PTPN7: variants seen among roughly 807,000 people sequenced by gnomAD.
PTPN7 encodes protein tyrosine phosphatase non-receptor type 7.
A neutral mutation model predicts 50.3 loss-of-function variants in PTPN7; 33 were observed. That is an observed-to-expected ratio of 0.66 (90% CI 0.50 to 0.88). PTPN7 has a LOEUF of 0.88. PTPN7 is among the 40% of genes least tolerant of loss of function. The probability of loss-of-function intolerance (pLI) is 0.00; values close to 1 mark genes in which losing one functional copy is unlikely to be tolerated. For synonymous variants in PTPN7, 185 were observed against 186.6 expected (o/e 0.99, Z 0.07); for missense variants, 412 against 475.4 (o/e 0.87, Z 1.24).
rs140680650 is a variant in PTPN7, at chr1:202,150,387, G to A, written c.913C>T (p.Arg305Ter). 655 of 1,612,074 alleles carry A rather than the reference G, an allele frequency of 4.1e-4. 1 individual carries two copies. The highest frequency in any genetic ancestry group is 5.4e-4 in the Non-Finnish European group (636 of 1,179,120). ...IGRTGCFIAT[R>*]IGCQQLKARG... is the part of the protein sequence containing the mutation. ...GCTTTCAGCTGTTGACAGCCAATTC[G>A]CGTGGCGATGAAGCAGCCCGTCCGG... The change falls in exon 9 of 10, where the codon CGA becomes TGA. Residue 305 changes from arginine (R) to a stop codon, truncating the protein, a stop_gained. Coordinates refer to ENST00000691036, the MANE Select transcript of PTPN7 (RefSeq NM_002832.4). LOFTEE classifies it high-confidence loss of function.
chr1:202,155,345 G>T (rs186525374), intron 5 of PTPN7, among the ~76,000 whole-genome samples, 188 bp downstream of exon 5: 1 of 152,102 alleles, frequency 6.6e-6, no homozygotes, highest in African/African-American at 2.4e-5. Context: ...CATCTGCTCC[G>T]TTTTTTAGGT....
intron 2 of PTPN7, chr1:202,158,580 T>C: frequency 2.9e-6 from 1 of 347,932 alleles, no homozygotes. Flanking sequence ...TTGCTCAGGC[T>C]GGTTTTGAAC....
At position 202,159,359 on chromosome 1, in the gene PTPN7, G is replaced by T. The variant is rs569155700; in HGVS notation, c.44C>A (p.Thr15Asn). ...HGGRSRAQPL[T>N]LSLGAAMTQP... ...GGTCATGGCTGCCCCCAAAGACAAG[G>T]TCAACGGCTGTGCTCTGGAGCGCCC... Residue 15 changes from threonine (T) to asparagine (N), a missense_variant, in exon 2 of 10, where the codon ACC (threonine) becomes AAC (asparagine). Thr to Asn is a moderately conservative substitution (Grantham distance 65, BLOSUM62 0). Coordinates refer to ENST00000691036, the MANE Select transcript of PTPN7 (RefSeq NM_002832.4). The surrounding 1 kb of genome is among the most constrained non-coding windows in gnomAD (Gnocchi z 4.6). 1.9e-5 allele frequency: 30 copies of T among 1,614,248 alleles called. No individual in the cohort carries two copies. The South Asian group carries it at 3.1e-4, about 17-fold the overall frequency.
upstream of PTPN7, chr1:202,161,553 C>G: frequency 7.8e-7 from 1 of 1,287,310 alleles, no homozygotes; most frequent in Non-Finnish European, 1.0e-6. Context: ...GCAGCCCAGC[C>G]GGTTCATGCT....
Position 202,148,707 on chromosome 1 carries a change from G to A in PTPN7, c.990-8C>T. The A allele has an allele frequency of 6.2e-7, 1 of 1,612,980 alleles. No homozygotes were observed. On this transcript the variant is annotated splice_polypyrimidine_tract_variant and splice_region_variant and intron_variant, in intron 9 of 9. Coordinates refer to ENST00000691036, the MANE Select transcript of PTPN7 (RefSeq NM_002832.4). ...GTCTGGATCATCCCCCCTCTGCAAG[G>A]AGAAACACACAGACCATGAGTGAAG... is the stretch of plus-strand genomic sequence containing the variant.
chr1:202,153,333 A>C (rs187671765), intron 7 of PTPN7, among the ~76,000 whole-genome samples: 1 of 152,156 alleles, frequency 6.6e-6, no homozygotes, highest in African/African-American at 2.4e-5. Context: ...CATGTTGGCC[A>C]GGCTGGTCTG....
chr1:202,157,371 T>C (rs1656786271), intron 4 of PTPN7, among the ~76,000 whole-genome samples: 3 of 152,208 alleles, frequency 2.0e-5, no homozygotes, highest in South Asian at 4.1e-4. Context: ...TAGCCACGCA[T>C]GGAGGCGCAT....
chr1:202,155,470 G>A, intron 5 of PTPN7, 63 bp downstream of exon 5: 3 of 1,459,654 alleles, frequency 2.1e-6, no homozygotes, highest in Non-Finnish European at 2.9e-6. Flanking sequence ...ATGGCTGGAA[G>A]ATATTCTCAG....
chr1:202,159,229 G>A lies in PTPN7; in HGVS notation c.122+52C>T. 6.4e-7 allele frequency: 1 copy of A among 1,559,162 alleles called. No individual in the cohort carries two copies. The highest frequency in any genetic ancestry group is 2.2e-5 in the East Asian group (1 of 44,500). ...AGGGGCAGATGGAAGGAAGGGAGGAGCGGAATGGGGGCTCAGGGCTCGGAA... is the reference window on the plus strand; with the variant it reads ...AGGGGCAGATGGAAGGAAGGGAGGAACGGAATGGGGGCTCAGGGCTCGGAA... On this transcript the variant is annotated intron_variant, in intron 2 of 9. Transcript: ENST00000691036. This position sits in a 1 kb window ranked among gnomAD's most constrained non-coding sequence, Gnocchi z 4.6.
intron 4 of PTPN7, among the ~76,000 whole-genome samples, chr1:202,156,640 G>A (rs1028272896): frequency 3.3e-5 from 5 of 152,226 alleles, no homozygotes; most frequent in African/African-American, 1.2e-4. Context: ...TCTGGTGGCT[G>A]CAGGGCTGAT....
Position 202,159,767 on chromosome 1 carries a change from A to T in PTPN7, c.-52-313T>A. ...GTACACAGGGCTCTGAGCAGGTCCA[A>T]GTGGGAGAAGGCAAGGGAGGAAACA... is the stretch of plus-strand genomic sequence containing the variant. On this transcript the variant is annotated intron_variant, in intron 1 of 9. Coordinates refer to ENST00000691036, the MANE Select transcript of PTPN7 (RefSeq NM_002832.4). The surrounding 1 kb of genome is among the most constrained non-coding windows in gnomAD (Gnocchi z 4.6). The T allele has an allele frequency of 8.0e-7, 1 of 1,256,318 alleles. No individual in the cohort carries two copies. The allele number at this position is 1,256,318 out of a possible 1,614,324, so 77.8% of individuals were successfully genotyped here. A position where few individuals can be genotyped will look rare whatever the true frequency, so the allele number is the denominator to read the frequency against.
In PTPN7 at chr1:202,160,208, G is replaced by A. The variant is rs1475808234; in HGVS notation, c.-53+337C>T. 6.6e-6 allele frequency among the ~76,000 whole-genome samples: 1 copy of A among 152,104 alleles called. No homozygotes were observed. The highest frequency in any genetic ancestry group is 2.4e-5 in the African/African-American group (1 of 41,420). ...GGCAGTCCCTATCTCCCAGAGCCAG[G>A]GTCACAGTGGGCGAGGTGGCGGGGG... On this transcript the variant is annotated intron_variant, in intron 1 of 9. Coordinates refer to ENST00000691036, the MANE Select transcript of PTPN7 (RefSeq NM_002832.4). This position sits in a 1 kb window ranked among gnomAD's most constrained non-coding sequence, Gnocchi z 4.8.
chr1:202,150,530 T>C (rs1655885771), intron 8 of PTPN7, 106 bp from the exon 9 acceptor site: 8 of 855,330 alleles, frequency 9.4e-6, no homozygotes, highest in Non-Finnish European at 1.5e-5. Context: ...GTGCTATATT[T>C]TGGGGATAGG....
At position 202,155,517 on chromosome 1, in the gene PTPN7, C is replaced by T; in HGVS notation, c.468+16G>A. On this transcript the variant is annotated intron_variant, in intron 5 of 9. Transcript: ENST00000691036. ...TTCCCCCATTCCCCGCCCACCACTG[C>T]AGCCAGGCCACTCACTCGGATGTAG... is the stretch of plus-strand genomic sequence containing the variant. 1.3e-6 allele frequency: 2 copies of T among 1,532,796 alleles called. No homozygotes were observed. The highest frequency in any genetic ancestry group is 1.8e-6 in the Non-Finnish European group (2 of 1,106,372). The allele number at this position is 1,532,796 out of a possible 1,614,324, so 94.9% of individuals were successfully genotyped here.
Position 202,160,487 on chromosome 1 carries a change from C to G in PTPN7, c.-53+58G>C. The G allele has an allele frequency of 6.7e-7, 1 of 1,487,394 alleles. No individual in the cohort carries two copies. The highest frequency in any genetic ancestry group is 1.4e-5 in the African/African-American group (1 of 71,914). The allele number at this position is 1,487,394 out of a possible 1,614,324, so 92.1% of individuals were successfully genotyped here. On this transcript the variant is annotated intron_variant, in intron 1 of 9. Coordinates refer to ENST00000691036, the MANE Select transcript of PTPN7 (RefSeq NM_002832.4). The surrounding 1 kb of genome is among the most constrained non-coding windows in gnomAD (Gnocchi z 4.8). ...CCTCCTAGAGATGCCCTCTTATATC[C>G]CCGGAGTTCGCACCCCCCGGGGCCA...
rs1655454812 is a variant in PTPN7, at chr1:202,147,472, G to T, written c.*1134C>A. 6.6e-6 allele frequency: 1 copy of T among 152,198 alleles called. No homozygotes were observed. Among genetic ancestry groups the T allele is most frequent in the African/African-American group, 2.4e-5 (1 of 41,416 alleles). 9.4% of individuals were successfully genotyped at this position (152,198 alleles called of 1,614,324 possible). A position where few individuals can be genotyped will look rare whatever the true frequency, so the allele number is the denominator to read the frequency against. On this transcript the variant is annotated 3_prime_UTR_variant, in exon 10 of 10. Coordinates refer to ENST00000691036, the MANE Select transcript of PTPN7 (RefSeq NM_002832.4). ...CAGGGGCGGCGTGCCTGGTGATGCG[G>T]CATCTTACCTTCATCCCCATCTCAG...
At position 202,148,240 on chromosome 1, in the gene PTPN7, G is replaced by T; in HGVS notation, c.*366C>A. 1 of 180,108 alleles carries T rather than the reference G, an allele frequency of 5.6e-6. No individual in the cohort carries two copies. The highest frequency in any genetic ancestry group is 1.4e-4 in the East Asian group (1 of 7,022). The allele number at this position is 180,108 out of a possible 1,614,324, so 11.2% of individuals were successfully genotyped here. A position where few individuals can be genotyped will look rare whatever the true frequency, so the allele number is the denominator to read the frequency against. On this transcript the variant is annotated 3_prime_UTR_variant, in exon 10 of 10. Coordinates refer to ENST00000691036, the MANE Select transcript of PTPN7 (RefSeq NM_002832.4). ...ATGGCAGCTAAGCACTTATGTTCAT[G>T]TTATAGAACAGGAAACTGAAGCTCA...
In PTPN7 at chr1:202,159,193, G is replaced by T; in HGVS notation, c.122+88C>A. 1.5e-6 allele frequency: 2 copies of T among 1,364,530 alleles called. No homozygotes were observed. Among genetic ancestry groups the T allele is most frequent in the Non-Finnish European group, 2.1e-6 (2 of 969,484 alleles). The allele number at this position is 1,364,530 out of a possible 1,614,324, so 84.5% of individuals were successfully genotyped here. ...AACTGAGGGCCCTCTGGACCCTGCT[G>T]TCAGAGCTGGAGGGGCAGATGGAAG... On this transcript the variant is annotated intron_variant, in intron 2 of 9. Coordinates refer to ENST00000691036, the MANE Select transcript of PTPN7 (RefSeq NM_002832.4). This position sits in a 1 kb window ranked among gnomAD's most constrained non-coding sequence, Gnocchi z 4.6.
At position 202,152,555 on chromosome 1, in the gene PTPN7, CG is replaced by C. The variant is rs1558315793; in HGVS notation, c.861del (p.Ile287MetfsTer2). 4 of 1,612,824 alleles carry C rather than the reference CG, an allele frequency of 2.5e-6. No homozygotes were observed. Among genetic ancestry groups the C allele is most frequent in the Non-Finnish European group, 3.4e-6 (4 of 1,179,942 alleles). Reference sequence around the variant, plus strand: ...AGGGCCACGCACCTGCAGTGGACTACGATAGGCCCGGGGTGGGCGGCTGTCT... The same window carrying C: ...AGGGCCACGCACCTGCAGTGGACTACATAGGCCCGGGGTGGGCGGCTGTCT... ...SPETAAHPGP[I>X]VVHCSAGIGR... On this transcript the variant is annotated frameshift_variant, in exon 8 of 10. Coordinates refer to ENST00000691036, the MANE Select transcript of PTPN7 (RefSeq NM_002832.4). LOFTEE classifies it high-confidence loss of function.
Sources: allele counts gnomAD v4.1 joint callset (sites outside exome capture counted in the v4.1 genomes callset), GRCh38; gene constraint gnomAD v4.1.1; non-coding constraint Gnocchi (gnomAD v3.1); transcripts MANE v1.5; gene names NCBI Gene and HGNC (gene_info 2026-07-23, HGNC 2026-07-21).